Variants in FGGY observed in about 807,000 individuals in gnomAD.
FGGY encodes the protein FGGY carbohydrate kinase domain containing, also known as FGGY carbohydrate kinase domain-containing protein.
A neutral mutation model predicts 71.3 loss-of-function variants in FGGY; 72 were observed. The observed-to-expected ratio is 1.01, with a 90% CI of 0.84 to 1.23. The LOEUF (loss-of-function observed/expected upper bound fraction) is 1.23, where lower values mean the gene tolerates loss of function less well. FGGY is among the 50% of genes most tolerant of loss of function. The probability of loss-of-function intolerance (pLI) is 0.00; values close to 1 mark genes in which losing one functional copy is unlikely to be tolerated. For synonymous variants in FGGY, 251 were observed against 250.3 expected (o/e 1.00, Z -0.02); for missense variants, 668 against 682.3 (o/e 0.98, Z 0.23).
chr1:59,608,208 C>T (rs192161536), intron 9 of FGGY, among the ~76,000 whole-genome samples: 71 of 152,296 alleles, frequency 4.7e-4, no homozygotes, highest in African/African-American at 1.3e-3. Context: ...CGACATGTTA[C>T]TCCCCAGCCC....
chr1:59,343,310 A>G (rs34400243), intron 3 of FGGY, among the ~76,000 whole-genome samples: 16,611 of 152,220 alleles, frequency 0.11, 934 homozygotes, highest in Middle Eastern at 0.12. Flanking sequence ...TTTACCTCCA[A>G]TTCTCTTAAA....
At chr1:59,681,590 T>C (rs2097499479) in intron 14 of FGGY, among the ~76,000 whole-genome samples, 1 of 152,232 alleles carries the variant, frequency 6.6e-6, no homozygotes, top group South Asian at 2.1e-4. Context: ...CTAATTACTA[T>C]TTATGCCTTT....
chr1:59,673,850 A>T, intron 13 of FGGY, 189 bp from the exon 14 acceptor site: 1 of 557,238 alleles, frequency 1.8e-6, no homozygotes, highest in Non-Finnish European at 3.3e-6. Flanking sequence ...CTGCACCAGC[A>T]GGCACAGGCA....
At chr1:59,757,033 A>AT (rs1404001676) in intron 14 of FGGY, among the ~76,000 whole-genome samples, 5 of 152,104 alleles carry the variant, frequency 3.3e-5, no homozygotes, top group Admixed American at 6.5e-5. Flanking sequence ...AATGTGTAGA[A>AT]TAAGAAGTTG....
Position 59,346,350 on chromosome 1 carries a change from G to T in FGGY, c.417G>T (p.Gly139=). Reference sequence around the variant, plus strand: ...ACAGTGTCCTCCAGTACGTCGGGGGGGTGATGTCTGTGGAAATGCAGGCCC... The same window carrying T: ...ACAGTGTCCTCCAGTACGTCGGGGGTGTGATGTCTGTGGAAATGCAGGCCC... The part of the protein sequence containing the change: ...TKHSVLQYVG[G]VMSVEMQAPK... The change falls in exon 4 of 16, where the codon GGG becomes GGT. Residue 139 remains glycine, a synonymous_variant. Coordinates refer to ENST00000303721, the MANE Select transcript of FGGY (RefSeq NM_018291.5). 6.2e-7 allele frequency: 1 copy of T among 1,611,834 alleles called. No individual in the cohort carries two copies. Among genetic ancestry groups the T allele is most frequent in the Non-Finnish European group, 8.5e-7 (1 of 1,179,640 alleles).
intron 5 of FGGY, among the ~76,000 whole-genome samples, chr1:59,401,086 AC>A (rs1477529150): frequency 2.3e-4 from 35 of 152,336 alleles, no homozygotes; most frequent in African/African-American, 8.2e-4. Flanking sequence ...CAAAAAATAT[AC>A]AATGTTCTTC....
intron 2 of FGGY, among the ~76,000 whole-genome samples, chr1:59,335,652 A>T (rs569543036): frequency 1.3e-5 from 2 of 152,302 alleles, no homozygotes; most frequent in African/African-American, 4.8e-5. Flanking sequence ...TAAGGGCATC[A>T]CTTTCTCCAC....
At chr1:59,533,490 G>T (rs2095220958) in intron 7 of FGGY, among the ~76,000 whole-genome samples, 1 of 152,200 alleles carries the variant, frequency 6.6e-6, no homozygotes, top group Admixed American at 6.5e-5. Flanking sequence ...GAACTGGGTG[G>T]AGCCCACCAC....
intron 11 of FGGY, among the ~76,000 whole-genome samples, chr1:59,651,689 T>G (rs368617978): frequency 4.6e-5 from 7 of 151,264 alleles, no homozygotes; most frequent in East Asian, 1.9e-4. Context: ...ACACTGATGG[T>G]TCTTGACTCT....
At chr1:59,603,178 T>A (rs2096594016) in intron 8 of FGGY, among the ~76,000 whole-genome samples, 1 of 152,232 alleles carries the variant, frequency 6.6e-6, no homozygotes, top group African/African-American at 2.4e-5. Context: ...AGTTTTTAAC[T>A]GTGTGAGTAA....
chr1:59,441,256 C>G (rs188001351), intron 5 of FGGY, among the ~76,000 whole-genome samples: 47 of 152,286 alleles, frequency 3.1e-4, no homozygotes, highest in Admixed American at 3.0e-3. Flanking sequence ...CAGTGCATCT[C>G]TCTATGAATG....
At chr1:59,518,695 C>T (rs910730499) in intron 7 of FGGY, among the ~76,000 whole-genome samples, 1 of 152,178 alleles carries the variant, frequency 6.6e-6, no homozygotes, top group Non-Finnish European at 1.5e-5. Flanking sequence ...TGCTTCTGCT[C>T]CGGCCATGTG....
chr1:59,550,546 A>G (rs1428883626), intron 7 of FGGY, among the ~76,000 whole-genome samples: 1 of 152,124 alleles, frequency 6.6e-6, no homozygotes, highest in Non-Finnish European at 1.5e-5. Flanking sequence ...AGGTAAGGAG[A>G]TACCTCAGCT....
intron 5 of FGGY, among the ~76,000 whole-genome samples, chr1:59,388,830 G>A (rs1283057387): frequency 6.6e-6 from 1 of 152,002 alleles, no homozygotes; most frequent in Non-Finnish European, 1.5e-5. Context: ...ATAATTCAGT[G>A]TCATGAATTA....
intron 7 of FGGY, among the ~76,000 whole-genome samples, chr1:59,550,241 A>G (rs1281845432): frequency 6.6e-6 from 1 of 152,116 alleles, no homozygotes; most frequent in East Asian, 1.9e-4. Flanking sequence ...TTCCTGATGT[A>G]CACATGCAGC....
At chr1:59,318,256 G>C (rs1247356144) in intron 1 of FGGY, among the ~76,000 whole-genome samples, 1 of 152,222 alleles carries the variant, frequency 6.6e-6, no homozygotes, top group Non-Finnish European at 1.5e-5. Flanking sequence ...CTGCTTAGCA[G>C]AATATCAGAT....
At chr1:59,544,307 G>T (rs1571031805) in intron 7 of FGGY, among the ~76,000 whole-genome samples, 1 of 152,186 alleles carries the variant, frequency 6.6e-6, no homozygotes, top group South Asian at 2.1e-4. Context: ...ATATGATAGG[G>T]CAAGAAGGGC....
chr1:59,331,267 A>C (rs2048417536), intron 2 of FGGY, among the ~76,000 whole-genome samples: 1 of 152,170 alleles, frequency 6.6e-6, no homozygotes, highest in Non-Finnish European at 1.5e-5. Flanking sequence ...TTATTTCATC[A>C]TCTTATCATC....
chr1:59,706,313 G>A (rs1033377735), intron 14 of FGGY, among the ~76,000 whole-genome samples: 1 of 152,170 alleles, frequency 6.6e-6, no homozygotes, highest in Non-Finnish European at 1.5e-5. Context: ...CTTTACTTGT[G>A]AGGCCTGGAG....
Sources: allele counts gnomAD v4.1 joint callset (sites outside exome capture counted in the v4.1 genomes callset), GRCh38; gene constraint gnomAD v4.1.1; transcripts MANE v1.5; gene names NCBI Gene and HGNC (gene_info 2026-07-23, HGNC 2026-07-21).